DENND5A: variants seen among roughly 807,000 people sequenced by gnomAD.
DENND5A encodes the protein DENN domain-containing protein 5A.
DENND5A carries 64 observed loss-of-function variants against 140.3 expected under a neutral mutation model. That is an observed-to-expected ratio of 0.46 (90% CI 0.37 to 0.56). DENND5A has a LOEUF of 0.56. Ranked by LOEUF, DENND5A falls within the 20% of genes least tolerant of loss-of-function variation. The probability of loss-of-function intolerance (pLI) is 0.00; values close to 1 mark genes in which losing one functional copy is unlikely to be tolerated. For synonymous variants in DENND5A, 605 were observed against 607.7 expected (o/e 1.00, Z 0.07); for missense variants, 1,292 against 1,593.8 (o/e 0.81, Z 3.22).
At chr11:9,247,123 G>A (rs1264847115) in intron 1 of DENND5A, among the ~76,000 whole-genome samples, 1 of 151,980 alleles carries the variant, frequency 6.6e-6, no homozygotes. Context: ...CCAGCTACTT[G>A]GGAGGCTGAA....
intron 1 of DENND5A, among the ~76,000 whole-genome samples, chr11:9,207,880 A>G (rs1443605181): frequency 6.6e-6 from 1 of 152,186 alleles, no homozygotes; most frequent in East Asian, 1.9e-4. Flanking sequence ...CAGACCTACT[A>G]ATTATCATAA....
At chr11:9,145,252 C>G (rs193198675) in intron 17 of DENND5A, 139 bp from the exon 18 acceptor site, 3 of 678,662 alleles carry the variant, frequency 4.4e-6, no homozygotes, top group Admixed American at 2.3e-5. Context: ...GCTCTACATA[C>G]CGCCAGAACT....
At chr11:9,164,322 G>C (rs1225299085) in intron 11 of DENND5A, among the ~76,000 whole-genome samples, 1 of 146,608 alleles carries the variant, frequency 6.8e-6, no homozygotes, top group Non-Finnish European at 1.5e-5. Flanking sequence ...CAAAGTGCCA[G>C]GATTACAGGC....
rs200621046 is a variant in DENND5A, at chr11:9,178,188, C to T, written c.1850G>A (p.Arg617Gln). The T allele has an allele frequency of 2.5e-6, 4 of 1,614,056 alleles. No homozygotes were observed. The highest frequency in any genetic ancestry group is 1.3e-5 in the African/African-American group (1 of 75,008). Residue 617 changes from arginine (R) to glutamine (Q), a missense_variant, in exon 8 of 23, where the codon CGG becomes CAG. This residue lies in a region of DENND5A where 199 missense variants were observed against 189.1 expected (regional missense o/e 1.05). Coordinates refer to ENST00000328194, the MANE Select transcript of DENND5A (RefSeq NM_015213.4). ...RVDKIRLLNVRTPTLRTSMYQ... is the reference protein window; with the variant it reads ...RVDKIRLLNVQTPTLRTSMYQ... ...CATGGATGTACGGAGAGTAGGTGTC[C>T]GAACATTCAACAGCCTGATCTTGTC...
chr11:9,141,624 T>C (rs1002170591), intron 22 of DENND5A, among the ~76,000 whole-genome samples: 2 of 152,166 alleles, frequency 1.3e-5, no homozygotes, highest in Non-Finnish European at 2.9e-5. Context: ...CGTAGGCAAC[T>C]AAAACACAAT....
chr11:9,164,068 T>G (rs969802296), intron 11 of DENND5A, among the ~76,000 whole-genome samples: 1 of 98,514 alleles, frequency 1.0e-5, no homozygotes, highest in Admixed American at 1.1e-4. Context: ...TTTTTTTTTT[T>G]TTTTTTTTTT....
intron 1 of DENND5A, among the ~76,000 whole-genome samples, chr11:9,222,469 A>G (rs1159719532): frequency 6.6e-6 from 1 of 152,196 alleles, no homozygotes; most frequent in Admixed American, 6.5e-5. Flanking sequence ...AATGGCCTGT[A>G]ATAGTAAAAG....
intron 1 of DENND5A, among the ~76,000 whole-genome samples, chr11:9,222,519 G>A (rs1850353755): frequency 6.6e-6 from 1 of 152,080 alleles, no homozygotes; most frequent in Non-Finnish European, 1.5e-5. Flanking sequence ...ATATGAAGTT[G>A]CTTAAGAGCA....
intron 1 of DENND5A, among the ~76,000 whole-genome samples, chr11:9,223,931 C>G (rs545947372): frequency 6.6e-6 from 1 of 152,280 alleles, no homozygotes; most frequent in South Asian, 2.1e-4. Flanking sequence ...GTGGCTCATG[C>G]CTGTAATCCC....
intron 9 of DENND5A, chr11:9,170,246 A>C (rs541967878): frequency 1.0e-6 from 1 of 982,106 alleles, no homozygotes; most frequent in East Asian, 1.1e-4. Flanking sequence ...AGTCATCTTC[A>C]AAAGTAACTA....
chr11:9,209,342 A>C (rs1849795541), intron 1 of DENND5A, among the ~76,000 whole-genome samples: 1 of 152,200 alleles, frequency 6.6e-6, no homozygotes, highest in African/African-American at 2.4e-5. Flanking sequence ...TGAGTGATTA[A>C]GGGGAGAACT....
At chr11:9,238,160 C>T (rs937712869) in intron 1 of DENND5A, among the ~76,000 whole-genome samples, 4 of 151,964 alleles carry the variant, frequency 2.6e-5, no homozygotes, top group Admixed American at 2.6e-4. Context: ...TAACTCTTAA[C>T]TAAGATCGAT....
intron 1 of DENND5A, among the ~76,000 whole-genome samples, chr11:9,228,803 G>A (rs971111229): frequency 1.3e-5 from 2 of 151,944 alleles, no homozygotes; most frequent in Non-Finnish European, 2.9e-5. Context: ...GGTGCACTCA[G>A]CGTGAGCACG....
At chr11:9,240,644 A>C (rs1392676457) in intron 1 of DENND5A, among the ~76,000 whole-genome samples, 1 of 151,848 alleles carries the variant, frequency 6.6e-6, no homozygotes, top group Non-Finnish European at 1.5e-5. Flanking sequence ...CTGGAGGCAG[A>C]GTTTGCAGTG....
intron 1 of DENND5A, among the ~76,000 whole-genome samples, chr11:9,215,084 GC>G (rs1320901289): frequency 6.6e-6 from 1 of 152,034 alleles, no homozygotes; most frequent in Non-Finnish European, 1.5e-5. Context: ...TGCTTACCAG[GC>G]TTTTCAATGT....
chr11:9,256,769 T>C (rs918590156), intron 1 of DENND5A, among the ~76,000 whole-genome samples: 2 of 152,206 alleles, frequency 1.3e-5, no homozygotes, highest in African/African-American at 4.8e-5. Context: ...TAACTGCTAA[T>C]GGGTACAGGT....
At chr11:9,176,804 T>A in intron 8 of DENND5A, 1 of 426,576 alleles carries the variant, frequency 2.3e-6, no homozygotes, top group Non-Finnish European at 4.7e-6. Flanking sequence ...TTCTTGCTCA[T>A]AGACCTTCAT....
chr11:9,181,660 G>C (rs1442463221), intron 5 of DENND5A, among the ~76,000 whole-genome samples: 1 of 152,126 alleles, frequency 6.6e-6, no homozygotes, highest in Non-Finnish European at 1.5e-5. Flanking sequence ...GATCACCTGA[G>C]CCCAAGAAGC....
intron 1 of DENND5A, 58 bp from the exon 2 acceptor site, chr11:9,207,690 T>G (rs1455440437): frequency 1.7e-6 from 2 of 1,193,740 alleles, no homozygotes; most frequent in East Asian, 2.4e-5. Context: ...TCAAACTTTT[T>G]TGACCATTAT....
Sources: allele counts gnomAD v4.1 joint callset (sites outside exome capture counted in the v4.1 genomes callset), GRCh38; gene constraint gnomAD v4.1.1; regional missense constraint gnomAD v4.1.1; transcripts MANE v1.5; gene names NCBI Gene and HGNC (gene_info 2026-07-23, HGNC 2026-07-21).